PIK3C2G: variants seen among roughly 807,000 people sequenced by gnomAD.
PIK3C2G encodes phosphatidylinositol-4-phosphate 3-kinase catalytic subunit type 2 gamma, also known as phosphatidylinositol 3-kinase C2 domain-containing subunit gamma.
In PIK3C2G, 168 loss-of-function variants were observed where a neutral mutation model predicts 181.1. That is an observed-to-expected ratio of 0.93 (90% CI 0.82 to 1.05). PIK3C2G has a LOEUF of 1.05. Among genes scored for constraint, PIK3C2G ranks in the 50% least tolerant of loss-of-function variants. PIK3C2G has a pLI of 0.00. For synonymous variants in PIK3C2G, 573 were observed against 592.2 expected (o/e 0.97, Z 0.47); for missense variants, 1,869 against 1,732.8 (o/e 1.08, Z -1.40).
At chr12:18,275,029 A>G (rs913673748) in intron 1 of PIK3C2G, among the ~76,000 whole-genome samples, 3 of 152,132 alleles carry the variant, frequency 2.0e-5, no homozygotes, top group African/African-American at 7.2e-5. Flanking sequence ...TCCAGTATTT[A>G]TTTTTAAAAG....
the PIK3C2G span, chr12:18,715,699 C>A: frequency 6.6e-6 from 1 of 152,132 alleles, no homozygotes; most frequent in Non-Finnish European, 1.5e-5. Context: ...GGGTCTCTGT[C>A]ACCCACACTA....
chr12:18,654,094 A>G, the PIK3C2G span, among the ~76,000 whole-genome samples: 1 of 152,066 alleles, frequency 6.6e-6, no homozygotes, highest in South Asian at 2.1e-4. Context: ...GTAATGAGAA[A>G]GATACTGCCT....
chr12:18,559,704 G>GA (rs1173618145), intron 26 of PIK3C2G, among the ~76,000 whole-genome samples: 1 of 146,654 alleles, frequency 6.8e-6, no homozygotes, highest in African/African-American at 2.5e-5. Context: ...TTAGCAAAGG[G>GA]AAAATCAAAG....
intron 2 of PIK3C2G, among the ~76,000 whole-genome samples, chr12:18,286,623 T>C (rs1949456233): frequency 6.6e-6 from 1 of 152,088 alleles, no homozygotes; most frequent in African/African-American, 2.4e-5. Context: ...TTCTATATTG[T>C]CATTGGGGTA....
At chr12:18,615,994 C>T (rs1948594475) in intron 31 of PIK3C2G, among the ~76,000 whole-genome samples, 1 of 152,038 alleles carries the variant, frequency 6.6e-6, no homozygotes, top group South Asian at 2.1e-4. Context: ...ATTCATTGTT[C>T]ACTAAATACA....
chr12:18,429,593 T>A lies in PIK3C2G; in HGVS notation c.2504+5554T>A, dbSNP rs562841476. The stretch of plus-strand genomic sequence containing the variant: ...CTTGACACCACTGCTGCCCTGTCCC[T>A]TCCCCCTCTTAGTCCACAGAGTAGC... On this transcript the variant is annotated intron_variant, in intron 18 of 32. Coordinates refer to ENST00000538779, the MANE Select transcript of PIK3C2G (RefSeq NM_001288772.2). Among the ~76,000 whole-genome samples the A allele has an allele frequency of 2.0e-5, 3 of 152,212 alleles. No homozygotes were observed. The East Asian group carries it at 5.8e-4, about 29-fold the overall frequency.
At chr12:18,407,863 G>C (rs1001514720) in intron 16 of PIK3C2G, among the ~76,000 whole-genome samples, 4 of 152,260 alleles carry the variant, frequency 2.6e-5, no homozygotes, top group South Asian at 2.1e-4. Context: ...AACTGGAAGA[G>C]AGACAGTGTA....
At chr12:18,453,810 C>T (rs557473406) in intron 18 of PIK3C2G, among the ~76,000 whole-genome samples, 6 of 151,652 alleles carry the variant, frequency 4.0e-5, no homozygotes, top group South Asian at 2.1e-4. Context: ...AGCTTTTAAA[C>T]GTGAATTTTA....
chr12:18,700,326 T>C, the PIK3C2G span, among the ~76,000 whole-genome samples: 2 of 151,930 alleles, frequency 1.3e-5, no homozygotes, highest in East Asian at 3.9e-4. Context: ...TTTCACAACC[T>C]GGCATCTATT....
chr12:18,325,437 G>C (rs185359060), intron 8 of PIK3C2G, among the ~76,000 whole-genome samples: 193 of 152,138 alleles, frequency 1.3e-3, no homozygotes, highest in Non-Finnish European at 1.9e-3. Flanking sequence ...GATAACTTTC[G>C]GCAAAGAACA....
intron 1 of PIK3C2G, among the ~76,000 whole-genome samples, chr12:18,268,015 T>C (rs1334000212): frequency 6.6e-6 from 1 of 152,158 alleles, no homozygotes; most frequent in Non-Finnish European, 1.5e-5. Flanking sequence ...AGATCAACCT[T>C]TTTAGGGCGG....
chr12:18,685,834 A>G, the PIK3C2G span, among the ~76,000 whole-genome samples: 1 of 95,674 alleles, frequency 1.0e-5, no homozygotes, highest in Non-Finnish European at 2.2e-5. Context: ...TCTCTGTCAC[A>G]CACACACACG....
At chr12:18,246,660 G>C (rs1948043068), upstream of PIK3C2G, among the ~76,000 whole-genome samples, 1 of 152,096 alleles carries the variant, frequency 6.6e-6, no homozygotes, top group Non-Finnish European at 1.5e-5. Flanking sequence ...AGGATGAAAT[G>C]ATAAAGCATG....
intron 24 of PIK3C2G, 84 bp from the exon 25 acceptor site, chr12:18,538,072 G>T: frequency 3.1e-6 from 4 of 1,284,756 alleles, no homozygotes; most frequent in African/African-American, 1.5e-5. Context: ...AAATTCAAAT[G>T]AAAATAAGTC....
intron 26 of PIK3C2G, among the ~76,000 whole-genome samples, chr12:18,550,709 T>C (rs1222544945): frequency 6.6e-6 from 1 of 152,094 alleles, no homozygotes; most frequent in Admixed American, 6.6e-5. Context: ...TTTATGCCAC[T>C]GTTTATTGTG....
At chr12:18,523,247 T>G (rs1439164024) in intron 24 of PIK3C2G, among the ~76,000 whole-genome samples, 1 of 152,230 alleles carries the variant, frequency 6.6e-6, no homozygotes. Context: ...TTCTTCATGG[T>G]CTGTTACTGG....
intron 30 of PIK3C2G, among the ~76,000 whole-genome samples, chr12:18,607,765 C>G (rs940649840): frequency 2.8e-4 from 42 of 152,122 alleles, no homozygotes; most frequent in Non-Finnish European, 5.4e-4. Flanking sequence ...AACAGGCAAC[C>G]TACAGAATGG....
intron 5 of PIK3C2G, among the ~76,000 whole-genome samples, chr12:18,308,864 T>C (rs1950527578): frequency 6.6e-6 from 1 of 151,614 alleles, no homozygotes; most frequent in Admixed American, 6.6e-5. Flanking sequence ...AAAACAAAAA[T>C]AATTTGTGAG....
At chr12:18,459,489 T>A (rs1388059202) in intron 18 of PIK3C2G, among the ~76,000 whole-genome samples, 1 of 152,202 alleles carries the variant, frequency 6.6e-6, no homozygotes, top group Non-Finnish European at 1.5e-5. Context: ...GGTGAAAGAT[T>A]CTTTCTACTG....
Sources: gnomAD v4.1 joint callset for allele counts (sites outside exome capture counted in the v4.1 genomes callset) on GRCh38, gnomAD v4.1.1 for gene constraint, MANE v1.5 for transcripts, NCBI Gene and HGNC (gene_info 2026-07-23, HGNC 2026-07-21) for gene names.